Variants in FBH1 observed in about 807,000 individuals in gnomAD.
FBH1 encodes the protein F-box DNA helicase 1.
A neutral mutation model predicts 115.5 loss-of-function variants in FBH1; 43 were observed. That is an observed-to-expected ratio of 0.37 (90% CI 0.29 to 0.48). The LOEUF is 0.48. FBH1 is among the 20% of genes least tolerant of loss of function. FBH1 has a pLI of 0.99. For synonymous variants in FBH1, 524 were observed against 507.8 expected, an observed-to-expected ratio of 1.03 and a Z score of -0.43; for missense variants, 1,001 against 1,337.3, an observed-to-expected ratio of 0.75 and a Z score of 3.92.
chr10:5,894,877 A>G (rs1057236792), intron 1 of FBH1, among the ~76,000 whole-genome samples: 1 of 152,262 alleles, frequency 6.6e-6, no homozygotes, highest in East Asian at 1.9e-4. Flanking sequence ...AAAAACAATA[A>G]TTCATATAAG....
Position 5,911,163 on chromosome 10 carries a change from A to T in FBH1, c.1211+35A>T, listed in dbSNP as rs904143421. 6.3e-7 allele frequency: 1 copy of T among 1,580,242 alleles called. No homozygotes were observed. The highest frequency in any genetic ancestry group is 2.3e-5 in the East Asian group (1 of 44,434). Reference sequence around the variant, plus strand: ...CGGGAGGAGGGGAGGGGATGCTGTGATAATGGGAGAGTCCCAGACACAGCA... The same window carrying T: ...CGGGAGGAGGGGAGGGGATGCTGTGTTAATGGGAGAGTCCCAGACACAGCA... On this transcript the variant is annotated intron_variant, in intron 6 of 20. Coordinates refer to ENST00000362091, the MANE Select transcript of FBH1 (RefSeq NM_178150.3). This position sits in a 1 kb window ranked among gnomAD's most constrained non-coding sequence, Gnocchi z 5.4.
chr10:5,906,748 A>G lies in FBH1; in HGVS notation c.753+116A>G. On this transcript the variant is annotated intron_variant, in intron 3 of 20. Transcript: ENST00000362091. The surrounding 1 kb of genome is among the most constrained non-coding windows in gnomAD (Gnocchi z 7.3). ...TGGTTTCCATTTGCCTTCAGAAGACATTCAGACTCCTTAGAGGCATTTAAG... is the reference window on the plus strand; with the variant it reads ...TGGTTTCCATTTGCCTTCAGAAGACGTTCAGACTCCTTAGAGGCATTTAAG... 2 of 847,436 alleles carry G rather than the reference A, an allele frequency of 2.4e-6. No individual in the cohort carries two copies. Among genetic ancestry groups the G allele is most frequent in the Non-Finnish European group, 3.6e-6 (2 of 551,504 alleles). The allele number at this position is 847,436 out of a possible 1,614,324, so 52.5% of individuals were successfully genotyped here.
intron 1 of FBH1, among the ~76,000 whole-genome samples, chr10:5,893,539 C>T (rs1169773465): frequency 6.6e-6 from 1 of 152,152 alleles, no homozygotes; most frequent in Non-Finnish European, 1.5e-5. Context: ...ATTGTTAATG[C>T]CTCTGTATTT....
rs921314321 is a variant in FBH1 at position 5,913,379 on chromosome 10, C to T, written c.1212-368C>T. ...TTTTATCCACAGGTGTAGTAAGTAT[C>T]ATTCAAACAAGAGTCTCAGTGCTAG... On this transcript the variant is annotated intron_variant, in intron 6 of 20. Transcript: ENST00000362091. The surrounding 1 kb of genome is among the most constrained non-coding windows in gnomAD (Gnocchi z 4.4). 7.9e-5 allele frequency among the ~76,000 whole-genome samples: 12 copies of T among 152,110 alleles called. No individual in the cohort carries two copies. The highest frequency in any genetic ancestry group is 7.2e-4 in the Admixed American group (11 of 15,270).
chr10:5,891,202 A>C, intron 1 of FBH1: 1 of 985,356 alleles, frequency 1.0e-6, no homozygotes, highest in South Asian at 4.7e-5. Context: ...AGCGGAGATA[A>C]ATGAAAAGAC....
intron 13 of FBH1, among the ~76,000 whole-genome samples, chr10:5,920,977 A>G (rs923095904): frequency 1.3e-5 from 2 of 152,200 alleles, no homozygotes; most frequent in African/African-American, 4.8e-5. Context: ...TCCTTACCCG[A>G]TCTTCATCTT....
At chr10:5,894,367 A>G in intron 1 of FBH1, 2 of 1,577,950 alleles carry the variant, frequency 1.3e-6, no homozygotes, top group Non-Finnish European at 1.7e-6. Context: ...ATGGAAATTA[A>G]ACTTGAGGTT....
chr10:5,912,822 A>G (rs1831685571), intron 6 of FBH1, among the ~76,000 whole-genome samples: 1 of 152,228 alleles, frequency 6.6e-6, no homozygotes. Flanking sequence ...TAGCGCTTCA[A>G]CACAGGAATT....
In FBH1 at chr10:5,906,647, G is replaced by T. The variant is rs762121217; in HGVS notation, c.753+15G>T. 1.1e-5 allele frequency: 18 copies of T among 1,577,348 alleles called. No homozygotes were observed. The highest frequency in any genetic ancestry group is 2.7e-5 in the African/African-American group (2 of 74,188). ...GTGACCCGCTGGTGAGTGAGTGCTG[G>T]AGTCGGGAGATGTTTCCTCTAAAAG... On this transcript the variant is annotated intron_variant, in intron 3 of 20. Coordinates refer to ENST00000362091, the MANE Select transcript of FBH1 (RefSeq NM_178150.3). The surrounding 1 kb of genome is among the most constrained non-coding windows in gnomAD (Gnocchi z 7.3).
chr10:5,896,215 A>G (rs1486993779), intron 1 of FBH1, among the ~76,000 whole-genome samples: 1 of 152,102 alleles, frequency 6.6e-6, no homozygotes, highest in Non-Finnish European at 1.5e-5. Context: ...TAAGGGTCTC[A>G]TCTCCATCGG....
chr10:5,891,039 C>T, intron 1 of FBH1: 2 of 470,662 alleles, frequency 4.2e-6, no homozygotes, highest in Non-Finnish European at 5.6e-6. Flanking sequence ...GAAGACAACC[C>T]TATGAGGCAT....
At position 5,915,899 on chromosome 10, in the gene FBH1, A is replaced by G; in HGVS notation, c.1565+328A>G. 2.2e-6 allele frequency: 1 copy of G among 461,760 alleles called. No homozygotes were observed. The highest frequency in any genetic ancestry group is 3.9e-6 in the Non-Finnish European group (1 of 256,440). 28.6% of individuals were successfully genotyped at this position (461,760 alleles called of 1,614,324 possible). A position where few individuals can be genotyped will look rare whatever the true frequency, so the allele number is the denominator to read the frequency against. The stretch of plus-strand genomic sequence containing the variant: ...CTTTTCTTGGAAGGGAGTGAGGAAG[A>G]CTCAGCCGAGGCACACTTGACCCAG... On this transcript the variant is annotated intron_variant, in intron 9 of 20. Transcript: ENST00000362091. The surrounding 1 kb of genome is among the most constrained non-coding windows in gnomAD (Gnocchi z 5.2).
chr10:5,923,321 A>G lies in FBH1; in HGVS notation c.2323-300A>G, dbSNP rs543897220. On this transcript the variant is annotated intron_variant, in intron 15 of 20. Transcript: ENST00000362091. The surrounding 1 kb of genome is among the most constrained non-coding windows in gnomAD (Gnocchi z 5.7). ...GCCTTTTTATTGATGGGAAAGCAGT[A>G]TGCAGCTGTAGGTCTTGCCCTTTTT... Among the ~76,000 whole-genome samples the G allele has an allele frequency of 3.3e-5, 5 of 152,352 alleles. No homozygotes were observed. The highest frequency in any genetic ancestry group is 2.6e-4 in the Admixed American group (4 of 15,302).
At position 5,910,779 on chromosome 10, in the gene FBH1, C is replaced by G. The variant is rs1286698755; in HGVS notation, c.1021-159C>G. ...GTCCAGGGCGAACAGAAGGGCTCCC[C>G]TGTTTCCCAAATACAACTTGGAAAG... is the stretch of plus-strand genomic sequence containing the variant. On this transcript the variant is annotated intron_variant, in intron 5 of 20. Coordinates refer to ENST00000362091, the MANE Select transcript of FBH1 (RefSeq NM_178150.3). This position sits in a 1 kb window ranked among gnomAD's most constrained non-coding sequence, Gnocchi z 4.8. 1.3e-5 allele frequency among the ~76,000 whole-genome samples: 2 copies of G among 152,226 alleles called. No individual in the cohort carries two copies. Among genetic ancestry groups the G allele is most frequent in the South Asian group, 2.1e-4 (1 of 4,828 alleles).
rs1403150218 is a variant in FBH1 at position 5,913,902 on chromosome 10, A to T, written c.1304+63A>T. On this transcript the variant is annotated intron_variant, in intron 7 of 20. Transcript: ENST00000362091. The surrounding 1 kb of genome is among the most constrained non-coding windows in gnomAD (Gnocchi z 4.4). ...TGTCGACTCTTCCTCATACTTAAGG[A>T]GGGAGATGTTTTGCTTCACTTTAGC... 3 of 1,305,142 alleles carry T rather than the reference A, an allele frequency of 2.3e-6. No individual in the cohort carries two copies. The highest frequency in any genetic ancestry group is 3.3e-6 in the Non-Finnish European group (3 of 922,834). The allele number at this position is 1,305,142 out of a possible 1,614,324, so 80.8% of individuals were successfully genotyped here.
chr10:5,906,166 C>T lies in FBH1; in HGVS notation c.287C>T (p.Pro96Leu), dbSNP rs1016517517. 2 of 1,614,100 alleles carry T rather than the reference C, an allele frequency of 1.2e-6. No homozygotes were observed. The highest frequency in any genetic ancestry group is 1.7e-6 in the Non-Finnish European group (2 of 1,180,048). The change falls in exon 3 of 21, where the codon CCT (proline) becomes CTT (leucine). Residue 96 changes from proline to leucine, a missense_variant. Pro to Leu is a moderately conservative substitution (Grantham distance 98). This residue lies in a region of FBH1 where 420 missense variants were observed against 430.4 expected (regional missense o/e 0.98). Coordinates refer to ENST00000362091, the MANE Select transcript of FBH1 (RefSeq NM_178150.3). The surrounding 1 kb of genome is among the most constrained non-coding windows in gnomAD (Gnocchi z 7.3). ...CQDSEGDMIF[P>L]AESSCALPQE... Reference sequence around the variant, plus strand: ...GACTCTGAGGGTGACATGATCTTTCCTGCAGAGAGCAGCTGTGCACTGCCT... The same window carrying T: ...GACTCTGAGGGTGACATGATCTTTCTTGCAGAGAGCAGCTGTGCACTGCCT...
chr10:5,906,058 T>A lies in FBH1; in HGVS notation c.179T>A (p.Ile60Asn). ...ACAGGTCAGGGAAGTCAAAGATGCA[T>A]CCCTGAGTTCTTCCTAGCAGGCAAG... ...GSRGQGSQRC[I>N]PEFFLAGKQP... Residue 60 changes from isoleucine (I) to asparagine (N), a missense_variant, in exon 3 of 21, where the codon ATC becomes AAC. This residue lies in a region of FBH1 where 420 missense variants were observed against 430.4 expected (regional missense o/e 0.98). Transcript: ENST00000362091. The surrounding 1 kb of genome is among the most constrained non-coding windows in gnomAD (Gnocchi z 7.3). 6.2e-7 allele frequency: 1 copy of A among 1,610,186 alleles called. No individual in the cohort carries two copies.
rs148488481 is a variant in FBH1 at position 5,915,404 on chromosome 10, C to T, written c.1398C>T (p.Gly466=). Residue 466 remains glycine, a splice_region_variant and synonymous_variant, in exon 9 of 21, where the codon GGC becomes GGT. Coordinates refer to ENST00000362091, the MANE Select transcript of FBH1 (RefSeq NM_178150.3). The surrounding 1 kb of genome is among the most constrained non-coding windows in gnomAD (Gnocchi z 5.2). The stretch of plus-strand genomic sequence containing the variant: ...CTCCTTTCCTCCTGGCTTCCCCAGG[C>T]ACTGGGAAGACCTCAACGCTGGTCA... ...LQVVKIMAFA[G]TGKTSTLVKY... 1 of 1,614,106 alleles carries T rather than the reference C, an allele frequency of 6.2e-7. No homozygotes were observed. Among genetic ancestry groups the T allele is most frequent in the African/African-American group, 1.3e-5 (1 of 75,062 alleles).
rs1831396899 is a variant in FBH1, at chr10:5,909,094, G to T, written c.884+39G>T. On this transcript the variant is annotated intron_variant, in intron 4 of 20. Coordinates refer to ENST00000362091, the MANE Select transcript of FBH1 (RefSeq NM_178150.3). The surrounding 1 kb of genome is among the most constrained non-coding windows in gnomAD (Gnocchi z 4.4). Reference sequence around the variant, plus strand: ...GTGCTGTAAAGAAGGCGTCTTTGAAGTCTTCCTTGTACATCAGTGCTTATG... The same window carrying T: ...GTGCTGTAAAGAAGGCGTCTTTGAATTCTTCCTTGTACATCAGTGCTTATG... The T allele has an allele frequency of 1.2e-6, 2 of 1,613,676 alleles. No homozygotes were observed. The highest frequency in any genetic ancestry group is 1.7e-6 in the Non-Finnish European group (2 of 1,179,998).
Sources: gnomAD v4.1 joint callset for allele counts (sites outside exome capture counted in the v4.1 genomes callset) on GRCh38, gnomAD v4.1.1 for gene constraint, gnomAD v4.1.1 regional missense constraint, Gnocchi (gnomAD v3.1) non-coding constraint, MANE v1.5 for transcripts, NCBI Gene and HGNC (gene_info 2026-07-23, HGNC 2026-07-21) for gene names.